The following QRSL1 variants were observed in gnomAD, a reference collection of about 807,000 sequenced individuals.
QRSL1 encodes the protein glutamyl-tRNA(Gln) amidotransferase subunit A, mitochondrial.
Under a neutral mutation model 61.6 loss-of-function variants are expected in QRSL1, and 54 were observed. The observed-to-expected ratio is 0.88, with a 90% confidence interval of 0.70 to 1.10. The LOEUF is 1.10. Among genes scored for constraint, QRSL1 ranks in the 50% least tolerant of loss-of-function variants. QRSL1 has a pLI of 0.00. For missense variants in QRSL1, 505 were observed against 622.6 expected (o/e 0.81, Z 2.01); for synonymous variants, 228 against 225.7 (o/e 1.01, Z -0.09).
chr6:106,662,590 T>C (rs139395662), intron 9 of QRSL1, among the ~76,000 whole-genome samples: 221 of 152,176 alleles, frequency 1.5e-3, no homozygotes, highest in Admixed American at 3.8e-3. Flanking sequence ...CTTAGAAGTC[T>C]ATAAATACTG....
At chr6:106,642,782 G>A (rs183203591) in intron 3 of QRSL1, 67 of 742,504 alleles carry the variant, frequency 9.0e-5, no homozygotes, top group Non-Finnish European at 1.4e-4. Context: ...TGAGGAAAAT[G>A]ATGAGGAAAA....
chr6:106,645,546 C>T (rs1008029928), intron 4 of QRSL1, among the ~76,000 whole-genome samples: 3 of 152,084 alleles, frequency 2.0e-5, no homozygotes, highest in African/African-American at 7.2e-5. Flanking sequence ...CCTCAGCCTC[C>T]TGAGTAGCTG....
chr6:106,643,637 G>A lies in QRSL1; in HGVS notation c.380+547G>A, dbSNP rs368850731. On this transcript the variant is annotated intron_variant, in intron 4 of 10. Transcript: ENST00000369046. ...GGAGGTTGCAGTGAGCCGAGATCGC[G>A]CCATTGCACTCCAGCCTGGGCTACA... is the stretch of plus-strand genomic sequence containing the variant. Among the ~76,000 whole-genome samples, 186 of 150,194 alleles carry A rather than the reference G, an allele frequency of 1.2e-3. 2 individuals are homozygous for A. Among genetic ancestry groups the A allele is most frequent in the African/African-American group, 4.3e-3 (174 of 40,868 alleles).
chr6:106,648,675 C>T (rs1582414130), intron 4 of QRSL1, among the ~76,000 whole-genome samples: 1 of 152,160 alleles, frequency 6.6e-6, no homozygotes, highest in Non-Finnish European at 1.5e-5. Context: ...TTTCATAGAA[C>T]TTCTGGTTCA....
At chr6:106,632,147 C>G (rs979377082) in intron 1 of QRSL1, among the ~76,000 whole-genome samples, 1 of 152,170 alleles carries the variant, frequency 6.6e-6, no homozygotes. Context: ...AGCTCTCGTT[C>G]TTTTTATGGC....
intron 9 of QRSL1, among the ~76,000 whole-genome samples, chr6:106,658,508 C>T (rs1337839331): frequency 6.6e-6 from 1 of 151,926 alleles, no homozygotes; most frequent in African/African-American, 2.4e-5. Flanking sequence ...GAGCTATAAT[C>T]GCACCGCTGC....
At chr6:106,661,334 C>T (rs1203621530) in intron 9 of QRSL1, among the ~76,000 whole-genome samples, 1 of 152,104 alleles carries the variant, frequency 6.6e-6, no homozygotes, top group African/African-American at 2.4e-5. Flanking sequence ...TCAAGCTGGT[C>T]TCGAACTCCT....
chr6:106,650,541 CCCCT>C, intron 5 of QRSL1, among the ~76,000 whole-genome samples: 1 of 2,730 alleles, frequency 3.7e-4, no homozygotes, highest in Middle Eastern at 0.083. Context: ...GATTTGTTTA[CCCCT>C]TTTTGATTTG....
chr6:106,636,889 A>C lies in QRSL1; in HGVS notation c.25-3460A>C, dbSNP rs540535183. ...GCAAGATTTTAAAATTTTTCTAAGG[A>C]GGTATATTAGTTGTCTATGGCTGCA... On this transcript the variant is annotated intron_variant, in intron 1 of 10. Coordinates refer to ENST00000369046, the MANE Select transcript of QRSL1 (RefSeq NM_018292.5). 2.0e-5 allele frequency among the ~76,000 whole-genome samples: 3 copies of C among 152,286 alleles called. No homozygotes were observed. The South Asian group carries it at 6.2e-4, about 32-fold the overall frequency.
chr6:106,655,514 C>CAA (rs35970346), intron 8 of QRSL1, 101 bp from the exon 9 acceptor site: 21,121 of 408,526 alleles, frequency 0.052, 19 homozygotes, highest in Non-Finnish European at 0.058. Flanking sequence ...GACTCCATCT[C>CAA]AAAAAAAAAA....
chr6:106,651,589 AAGTT>A (rs1270320703), intron 5 of QRSL1, among the ~76,000 whole-genome samples: 7 of 152,190 alleles, frequency 4.6e-5, no homozygotes, highest in Non-Finnish European at 1.0e-4. Context: ...TTTCATAACA[AAGTT>A]ATTTATTAAA....
rs1294708184 is a variant in QRSL1 at position 106,652,582 on chromosome 6, G to C, written c.849G>C (p.Lys283Asn). 1 of 1,613,998 alleles carries C rather than the reference G, an allele frequency of 6.2e-7. No homozygotes were observed. Among genetic ancestry groups the C allele is most frequent in the East Asian group, 2.2e-5 (1 of 44,894 alleles). Reference sequence around the variant, plus strand: ...GCAAACTATGTATAGGAATTCCAAAGGTAACTTTTTCCTTTCATTACTTTA... The same window carrying C: ...GCAAACTATGTATAGGAATTCCAAACGTAACTTTTTCCTTTCATTACTTTA... ...DVSKLCIGIPKEYLVPELSSE... is the reference protein window; with the variant it reads ...DVSKLCIGIPNEYLVPELSSE... Residue 283 changes from lysine (K) to asparagine (N), a missense_variant and splice_region_variant, in exon 7 of 11, where the codon AAG becomes AAC. Lys to Asn is a moderately conservative substitution (Grantham distance 94). Coordinates refer to ENST00000369046, the MANE Select transcript of QRSL1 (RefSeq NM_018292.5).
At chr6:106,657,130 G>A (rs775894183) in intron 9 of QRSL1, among the ~76,000 whole-genome samples, 17 of 152,270 alleles carry the variant, frequency 1.1e-4, no homozygotes, top group African/African-American at 2.6e-4. Flanking sequence ...TTAGCTGGGC[G>A]TGGTGGTGGG....
chr6:106,651,021 C>A (rs760215647), intron 5 of QRSL1, among the ~76,000 whole-genome samples: 2 of 152,094 alleles, frequency 1.3e-5, no homozygotes, highest in Non-Finnish European at 2.9e-5. Flanking sequence ...TAAAAACATG[C>A]AATCAGTCTT....
At chr6:106,659,948 A>G (rs1777330009) in intron 9 of QRSL1, among the ~76,000 whole-genome samples, 1 of 152,266 alleles carries the variant, frequency 6.6e-6, no homozygotes, top group South Asian at 2.1e-4. Context: ...TCATGCACTC[A>G]TAGATCAGTA....
chr6:106,634,867 T>G (rs752510947), intron 1 of QRSL1, among the ~76,000 whole-genome samples: 1 of 152,036 alleles, frequency 6.6e-6, no homozygotes, highest in Non-Finnish European at 1.5e-5. Context: ...TTGCAGATGT[T>G]TTGGATATGG....
rs367766803 is a variant in QRSL1, at chr6:106,649,017, G to T, written c.381-8G>T. 6.3e-7 allele frequency: 1 copy of T among 1,590,630 alleles called. No homozygotes were observed. The highest frequency in any genetic ancestry group is 8.6e-7 in the Non-Finnish European group (1 of 1,166,312). The stretch of plus-strand genomic sequence containing the variant: ...TTACTAAGGTATCTTGCTTCACTTC[G>T]TCATCAGATCTGGGAGCACAGATGG... On this transcript the variant is annotated splice_region_variant and splice_polypyrimidine_tract_variant and intron_variant, in intron 4 of 10. Transcript: ENST00000369046.
intron 5 of QRSL1, among the ~76,000 whole-genome samples, 169 bp downstream of exon 5, chr6:106,649,370 A>T (rs1777161856): frequency 6.6e-6 from 1 of 152,016 alleles, no homozygotes; most frequent in African/African-American, 2.4e-5. Flanking sequence ...ACTGTACAGT[A>T]CACTATGTAT....
intron 9 of QRSL1, among the ~76,000 whole-genome samples, chr6:106,660,943 G>A (rs906364532): frequency 6.6e-6 from 1 of 152,110 alleles, no homozygotes; most frequent in African/African-American, 2.4e-5. Flanking sequence ...TCTTAATACT[G>A]TTTCAGTGGC....
Sources: gnomAD v4.1 joint callset for allele counts (sites outside exome capture counted in the v4.1 genomes callset) on GRCh38, gnomAD v4.1.1 for gene constraint, MANE v1.5 for transcripts, NCBI Gene and HGNC (gene_info 2026-07-23, HGNC 2026-07-21) for gene names.